Variants in NRG1 observed in about 807,000 individuals in gnomAD.
NRG1 encodes neuregulin 1.
In NRG1, 18 loss-of-function variants were observed where a neutral mutation model predicts 63.8. The ratio of observed to expected loss-of-function variants is 0.28; its 90% confidence interval spans 0.19 to 0.42. The LOEUF (loss-of-function observed/expected upper bound fraction) is 0.42, where lower values mean the gene tolerates loss of function less well. Ranked by LOEUF, NRG1 falls within the 10% of genes least tolerant of loss-of-function variation. NRG1 has a pLI of 1.00. For synonymous variants in NRG1, 302 were observed against 301.3 expected (o/e 1.00, Z -0.02); for missense variants, 762 against 814.7 (o/e 0.94, Z 0.79).
intron 1 of NRG1, among the ~76,000 whole-genome samples, chr8:31,757,026 A>G (rs1485947176): frequency 6.6e-6 from 1 of 152,198 alleles, no homozygotes; most frequent in Non-Finnish European, 1.5e-5. Context: ...TTCTCTTGCA[A>G]TTGCAAAGTT....
intron 1 of NRG1, among the ~76,000 whole-genome samples, chr8:32,147,841 G>T (rs187105196): frequency 1.0e-3 from 159 of 152,150 alleles, no homozygotes; most frequent in Admixed American, 2.4e-3. Flanking sequence ...CCTCTTCTGT[G>T]GTAGAATTCA....
chr8:31,906,494 C>G (rs776914958), intron 1 of NRG1, among the ~76,000 whole-genome samples: 8 of 152,188 alleles, frequency 5.3e-5, no homozygotes, highest in Non-Finnish European at 1.2e-4. Context: ...GATTTTGCAG[C>G]CTGCCATCAC....
intron 1 of NRG1, among the ~76,000 whole-genome samples, chr8:32,222,034 TACACACAC>T (rs202206585): frequency 0.02 from 2,931 of 148,676 alleles, 82 homozygotes; most frequent in African/African-American, 0.066. Context: ...GAAACATACA[TACACACAC>T]ACACACACAC....
intron 5 of NRG1, among the ~76,000 whole-genome samples, chr8:32,663,954 C>A (rs1296261509): frequency 6.6e-6 from 1 of 152,162 alleles, no homozygotes; most frequent in Non-Finnish European, 1.5e-5. Context: ...AAACTTTCCT[C>A]CTTAGTCTCT....
chr8:32,147,856 T>C (rs921640829), intron 1 of NRG1, among the ~76,000 whole-genome samples: 5 of 152,182 alleles, frequency 3.3e-5, no homozygotes, highest in African/African-American at 1.2e-4. Flanking sequence ...AATTCAGCAT[T>C]ATCTTTATTT....
intron 5 of NRG1, among the ~76,000 whole-genome samples, chr8:32,720,024 T>A (rs983983144): frequency 1.3e-4 from 20 of 152,312 alleles, no homozygotes; most frequent in South Asian, 4.1e-4. Context: ...TGTTTTTTTT[T>A]AAATTTGTTG....
At chr8:32,088,992 G>A (rs1433954301) in intron 1 of NRG1, among the ~76,000 whole-genome samples, 1 of 152,046 alleles carries the variant, frequency 6.6e-6, no homozygotes, top group Non-Finnish European at 1.5e-5. Flanking sequence ...GGCCTATTTT[G>A]GTCTCTAAAC....
chr8:32,621,870 T>A (rs1330215925), intron 5 of NRG1, among the ~76,000 whole-genome samples: 1 of 152,202 alleles, frequency 6.6e-6, no homozygotes, highest in Non-Finnish European at 1.5e-5. Context: ...CTATGTCACA[T>A]AACGTTTTGC....
At chr8:32,159,540 C>CAAAAAAAAAAAAAAAAAAAAAA (rs10684266) in intron 1 of NRG1, among the ~76,000 whole-genome samples, 1 of 73,692 alleles carries the variant, frequency 1.4e-5, no homozygotes, top group African/African-American at 3.9e-5. Context: ...GACTCCGTCT[C>CAAAAAAAAAAAAAAAAAAAAAA]AAAAAAAAAA....
intron 1 of NRG1, among the ~76,000 whole-genome samples, chr8:32,527,239 C>CTT (rs1830946503): frequency 6.6e-6 from 1 of 152,148 alleles, no homozygotes; most frequent in South Asian, 2.1e-4. Context: ...TGGAATCAAC[C>CTT]TAAGTGTCCA....
intron 1 of NRG1, among the ~76,000 whole-genome samples, chr8:31,829,623 T>G (rs1824912709): frequency 6.6e-6 from 1 of 152,170 alleles, no homozygotes; most frequent in African/African-American, 2.4e-5. Context: ...TCTGTGAGGG[T>G]TTCTAAGGAG....
chr8:32,195,848 T>A (rs1277700976), intron 1 of NRG1, among the ~76,000 whole-genome samples: 4 of 152,142 alleles, frequency 2.6e-5, no homozygotes, highest in African/African-American at 9.7e-5. Context: ...TCAAAGCAGT[T>A]CAAGTGGTCT....
intron 1 of NRG1, among the ~76,000 whole-genome samples, chr8:32,205,898 A>C (rs1175235520): frequency 2.0e-5 from 3 of 150,748 alleles, no homozygotes; most frequent in African/African-American, 7.3e-5. Flanking sequence ...CAGAAGTTTG[A>C]GACCAGGCTG....
intron 1 of NRG1, among the ~76,000 whole-genome samples, chr8:32,401,377 T>C (rs1159589099): frequency 2.6e-5 from 4 of 152,174 alleles, no homozygotes; most frequent in Non-Finnish European, 1.5e-5. Flanking sequence ...CAGTACCCCA[T>C]TCCCTGTTCC....
chr8:32,144,910 A>G (rs972474409), intron 1 of NRG1, among the ~76,000 whole-genome samples: 3 of 152,192 alleles, frequency 2.0e-5, no homozygotes, highest in Admixed American at 1.3e-4. Context: ...ATTTTTTAAT[A>G]TAGAATATGA....
At chr8:31,979,535 A>G (rs1808740481) in intron 1 of NRG1, among the ~76,000 whole-genome samples, 1 of 152,036 alleles carries the variant, frequency 6.6e-6, no homozygotes, top group Non-Finnish European at 1.5e-5. Context: ...TCTTTCTGGA[A>G]TTCCTATTGC....
intron 1 of NRG1, among the ~76,000 whole-genome samples, chr8:31,784,799 A>G (rs1292096569): frequency 6.6e-6 from 1 of 152,146 alleles, no homozygotes; most frequent in Non-Finnish European, 1.5e-5. Context: ...TTTGGTGCCC[A>G]TACTCTTTGA....
intron 1 of NRG1, among the ~76,000 whole-genome samples, chr8:32,541,342 T>C (rs1832552256): frequency 6.6e-6 from 1 of 152,138 alleles, no homozygotes; most frequent in Non-Finnish European, 1.5e-5. Context: ...AAAGAGTAAT[T>C]GTGGTATTAT....
intron 1 of NRG1, among the ~76,000 whole-genome samples, chr8:31,704,608 G>A (rs1428144471): frequency 6.6e-6 from 1 of 152,068 alleles, no homozygotes; most frequent in Admixed American, 6.5e-5. Context: ...TGAGGCAGGC[G>A]GATCATGAGG....
Sources: gnomAD v4.1 joint callset for allele counts (sites outside exome capture counted in the v4.1 genomes callset) on GRCh38, gnomAD v4.1.1 for gene constraint, MANE v1.5 for transcripts, NCBI Gene and HGNC (gene_info 2026-07-23, HGNC 2026-07-21) for gene names.